Variants in NARS2 observed in about 807,000 individuals in gnomAD.
The protein encoded by NARS2 is asparaginyl-tRNA synthetase.
A neutral mutation model predicts 62.9 loss-of-function variants in NARS2; 60 were observed. The observed-to-expected ratio is 0.95, with a 90% CI of 0.77 to 1.18. NARS2 has a LOEUF of 1.18. Ranked by LOEUF, NARS2 falls within the 50% of genes most tolerant of loss-of-function variation. The pLI is 0.00. For synonymous variants in NARS2, 196 were observed against 200.0 expected, an observed-to-expected ratio of 0.98 and a Z score of 0.17; for missense variants, 619 against 576.4, an observed-to-expected ratio of 1.07 and a Z score of -0.76.
At chr11:78,443,469 T>C (rs911033788) in intron 12 of NARS2, among the ~76,000 whole-genome samples, 192 bp downstream of exon 12, 6 of 152,156 alleles carry the variant, frequency 3.9e-5, no homozygotes, top group Admixed American at 1.3e-4. Flanking sequence ...GTTTTTCATG[T>C]AAGAGTTCCA....
At chr11:78,500,882 C>A (rs10793316) in intron 6 of NARS2, among the ~76,000 whole-genome samples, 114,421 of 152,048 alleles carry the variant, frequency 0.75, 43,480 homozygotes, top group Non-Finnish European at 0.81. Context: ...CTTTTGAGGG[C>A]AGGATTTGAG....
At chr11:78,558,500 T>A (rs1856444217) in intron 5 of NARS2, 1 of 152,186 alleles carries the variant, frequency 6.6e-6, no homozygotes, top group African/African-American at 2.4e-5. Context: ...AATCCTGACA[T>A]CTTAAAGATA....
intron 6 of NARS2, among the ~76,000 whole-genome samples, chr11:78,509,969 A>G (rs937088295): frequency 2.6e-5 from 4 of 152,190 alleles, no homozygotes; most frequent in Admixed American, 1.3e-4. Flanking sequence ...ACGACAAAGA[A>G]AATAGCTATA....
chr11:78,571,747 G>A (rs1334848041), intron 1 of NARS2: 5 of 231,662 alleles, frequency 2.2e-5, no homozygotes, highest in East Asian at 8.9e-5. Context: ...GCAATTCCAG[G>A]TATTTCCTCC....
At chr11:78,547,958 G>T (rs965143773) in intron 5 of NARS2, among the ~76,000 whole-genome samples, 1 of 152,148 alleles carries the variant, frequency 6.6e-6, no homozygotes, top group Admixed American at 6.5e-5. Context: ...GGTGGTTCAC[G>T]CCTGTAATTC....
intron 5 of NARS2, among the ~76,000 whole-genome samples, chr11:78,539,691 T>G (rs1855534766): frequency 6.6e-6 from 1 of 152,134 alleles, no homozygotes; most frequent in Admixed American, 6.5e-5. Flanking sequence ...GATTACAGAT[T>G]AGTGCTTCTC....
chr11:78,557,828 A>C (rs952256834), intron 5 of NARS2, among the ~76,000 whole-genome samples: 6 of 146,798 alleles, frequency 4.1e-5, no homozygotes, highest in African/African-American at 1.5e-4. Context: ...TTATATATAT[A>C]TATCTCTCTT....
intron 5 of NARS2, 70 bp from the exon 6 acceptor site, chr11:78,529,006 T>A (rs1267953244): frequency 3.1e-6 from 3 of 967,782 alleles, no homozygotes; most frequent in Non-Finnish European, 4.9e-6. Context: ...TTCATATACA[T>A]GTCACAACTA....
At chr11:78,544,537 T>C (rs1269621455) in intron 5 of NARS2, among the ~76,000 whole-genome samples, 1 of 152,202 alleles carries the variant, frequency 6.6e-6, no homozygotes, top group Non-Finnish European at 1.5e-5. Flanking sequence ...CTCATGCCTG[T>C]AATCCCAGCA....
intron 6 of NARS2, among the ~76,000 whole-genome samples, chr11:78,497,501 C>G (rs1489371243): frequency 6.6e-6 from 1 of 152,184 alleles, no homozygotes; most frequent in African/African-American, 2.4e-5. Context: ...AAACCACCCC[C>G]AACCTCCATA....
At chr11:78,558,925 G>A (rs554897865) in intron 5 of NARS2, among the ~76,000 whole-genome samples, 1 of 152,240 alleles carries the variant, frequency 6.6e-6, no homozygotes, top group African/African-American at 2.4e-5. Context: ...GTAAGAGAGA[G>A]CTTAAAATCC....
intron 6 of NARS2, among the ~76,000 whole-genome samples, chr11:78,503,568 T>C (rs1860368606): frequency 1.3e-5 from 2 of 152,126 alleles, no homozygotes; most frequent in South Asian, 2.1e-4. Flanking sequence ...CCACTTATGA[T>C]TGAAAGTAAA....
chr11:78,554,318 T>C (rs905689155), intron 5 of NARS2, among the ~76,000 whole-genome samples: 6 of 152,214 alleles, frequency 3.9e-5, no homozygotes. Context: ...TAGTTTGATA[T>C]GAACAACATT....
intron 4 of NARS2, among the ~76,000 whole-genome samples, chr11:78,563,788 G>T (rs1253113219): frequency 8.8e-6 from 1 of 113,602 alleles, no homozygotes; most frequent in East Asian, 3.0e-4. Flanking sequence ...CCAAGATCAT[G>T]CCACTGCACT....
At chr11:78,489,891 T>TA (rs1859742765) in intron 7 of NARS2, among the ~76,000 whole-genome samples, 1 of 151,862 alleles carries the variant, frequency 6.6e-6, no homozygotes, top group Non-Finnish European at 1.5e-5. Context: ...CCTGTTTCTA[T>TA]AAAAAATTTA....
chr11:78,494,593 AG>A (rs1859978866), intron 6 of NARS2, among the ~76,000 whole-genome samples: 1 of 151,364 alleles, frequency 6.6e-6, no homozygotes, highest in African/African-American at 2.4e-5. Context: ...GTAGAAGCTT[AG>A]GAAGTTATAT....
intron 5 of NARS2, among the ~76,000 whole-genome samples, chr11:78,547,478 C>T (rs568933240): frequency 1.3e-4 from 20 of 152,150 alleles, no homozygotes; most frequent in African/African-American, 4.8e-4. Flanking sequence ...TACACTGAAA[C>T]AGCACATACT....
At chr11:78,521,691 G>A (rs996745123) in intron 6 of NARS2, among the ~76,000 whole-genome samples, 7 of 149,428 alleles carry the variant, frequency 4.7e-5, no homozygotes, top group Admixed American at 1.3e-4. Context: ...TTGGGAGGCT[G>A]AGGCAGGAGA....
intron 6 of NARS2, among the ~76,000 whole-genome samples, chr11:78,516,819 T>C (rs985671417): frequency 6.6e-6 from 1 of 152,208 alleles, no homozygotes; most frequent in African/African-American, 2.4e-5. Flanking sequence ...TTATTTTGTA[T>C]TAATAGTTAC....
Sources: allele counts gnomAD v4.1 joint callset (sites outside exome capture counted in the v4.1 genomes callset), GRCh38; gene constraint gnomAD v4.1.1; transcripts MANE v1.5; gene names NCBI Gene and HGNC (gene_info 2026-07-23, HGNC 2026-07-21).